ZFHX3: variants seen among roughly 807,000 people sequenced by gnomAD.
ZFHX3 encodes zinc finger homeobox 3, also known as zinc finger homeobox protein 3.
Under a neutral mutation model 279.1 loss-of-function variants are expected in ZFHX3, and 42 were observed. That is an observed-to-expected ratio of 0.15 (90% confidence interval 0.12 to 0.19). The LOEUF is 0.19. Ranked by LOEUF, ZFHX3 falls within the 10% of genes least tolerant of loss-of-function variation. ZFHX3 has a pLI of 1.00. For synonymous variants in ZFHX3, 2,293 were observed against 1,957.8 expected (o/e 1.17, Z -4.52); for missense variants, 4,981 against 4,754.0 (o/e 1.05, Z -1.40).
intron 7 of ZFHX3, among the ~76,000 whole-genome samples, chr16:73,105,195 C>T (rs1280272105): frequency 2.7e-5 from 4 of 150,628 alleles, no homozygotes; most frequent in Non-Finnish European, 4.4e-5. Flanking sequence ...GGCTTGAGGC[C>T]AAGAGCTCAA....
chr16:73,694,255 A>C (rs2142210147), intron 1 of ZFHX3, among the ~76,000 whole-genome samples: 1 of 152,284 alleles, frequency 6.6e-6, no homozygotes, highest in African/African-American at 2.4e-5. Flanking sequence ...CTGGGGAGGC[A>C]GAGGTTGCAG....
intron 1 of ZFHX3, among the ~76,000 whole-genome samples, chr16:73,801,104 C>A (rs772488348): frequency 6.6e-6 from 1 of 152,144 alleles, no homozygotes; most frequent in Non-Finnish European, 1.5e-5. Context: ...ACAAGCTGTA[C>A]CAGGTGCCTT....
At chr16:73,535,715 C>T (rs995181798) in intron 2 of ZFHX3, among the ~76,000 whole-genome samples, 1 of 137,544 alleles carries the variant, frequency 7.3e-6, no homozygotes, top group Admixed American at 8.4e-5. Context: ...TTCTATGTGC[C>T]CCCTATCTTT....
chr16:73,151,676 C>T (rs1044479602), intron 5 of ZFHX3, among the ~76,000 whole-genome samples: 10 of 152,082 alleles, frequency 6.6e-5, no homozygotes, highest in African/African-American at 2.4e-4. Context: ...GTCTGTCCTA[C>T]GTGTTGAGGT....
chr16:73,745,744 C>T (rs1393939297), intron 1 of ZFHX3, among the ~76,000 whole-genome samples: 1 of 152,134 alleles, frequency 6.6e-6, no homozygotes, highest in African/African-American at 2.4e-5. Context: ...TTATTGTCTT[C>T]CTGCCAACTC....
chr16:73,450,173 C>T (rs955899568), intron 3 of ZFHX3, among the ~76,000 whole-genome samples: 5 of 152,162 alleles, frequency 3.3e-5, no homozygotes, highest in African/African-American at 9.7e-5. Context: ...GGTGAAGGTA[C>T]CTTAAATCCA....
rs149779567 is a variant in ZFHX3, at chr16:72,796,717, C to T, written c.5965G>A (p.Gly1989Ser). 2.0e-5 allele frequency: 33 copies of T among 1,613,830 alleles called. No individual in the cohort carries two copies. The highest frequency in any genetic ancestry group is 9.9e-5 in the South Asian group (9 of 91,058). Residue 1989 changes from glycine to serine, a missense_variant, in exon 9 of 10, where the codon GGC becomes AGC. Gly to Ser is a moderately conservative substitution (Grantham distance 56). This residue lies in a region of ZFHX3 where 1,751 missense variants were observed against 1,770.0 expected (regional missense o/e 0.99). Coordinates refer to ENST00000268489, the MANE Select transcript of ZFHX3 (RefSeq NM_006885.4). ...ATCAAGATGTTGGAAAACAACTTGC[C>T]GCAGGAGTCACACTCGAGCTTTTCC... ...NLEKLECDSC[G>S]KLFSNILILK...
At chr16:73,276,590 C>A (rs2014308843) in intron 4 of ZFHX3, among the ~76,000 whole-genome samples, 1 of 152,124 alleles carries the variant, frequency 6.6e-6, no homozygotes, top group Non-Finnish European at 1.5e-5. Flanking sequence ...TTCTTTGGTT[C>A]TTTTAAAAAT....
intron 1 of ZFHX3, among the ~76,000 whole-genome samples, chr16:73,031,403 G>A (rs550879161): frequency 6.6e-6 from 1 of 152,244 alleles, no homozygotes; most frequent in East Asian, 1.9e-4. Context: ...GGGGCAGGTC[G>A]GGGAAGAAAG....
At chr16:73,016,216 C>A (rs1309681288) in intron 1 of ZFHX3, among the ~76,000 whole-genome samples, 1 of 152,206 alleles carries the variant, frequency 6.6e-6, no homozygotes, top group African/African-American at 2.4e-5. Flanking sequence ...TTTGTTGCCA[C>A]TTCCCCATTT....
chr16:73,453,314 T>C (rs2018311144), intron 3 of ZFHX3, among the ~76,000 whole-genome samples: 1 of 152,230 alleles, frequency 6.6e-6, no homozygotes, highest in Non-Finnish European at 1.5e-5. Context: ...AACTGACCTG[T>C]GACTGCTTTG....
chr16:73,716,264 A>T (rs1321018723), intron 1 of ZFHX3, among the ~76,000 whole-genome samples: 1 of 152,126 alleles, frequency 6.6e-6, no homozygotes, highest in East Asian at 1.9e-4. Flanking sequence ...GTGATATATT[A>T]TCTTTTCAAA....
chr16:73,633,130 A>G (rs996011209), intron 2 of ZFHX3, among the ~76,000 whole-genome samples: 1 of 152,232 alleles, frequency 6.6e-6, no homozygotes, highest in Non-Finnish European at 1.5e-5. Context: ...TTTAATTTCT[A>G]TGTTTCAAAC....
At chr16:73,535,525 G>A (rs1018413853) in intron 2 of ZFHX3, among the ~76,000 whole-genome samples, 4 of 152,078 alleles carry the variant, frequency 2.6e-5, no homozygotes, top group Non-Finnish European at 4.4e-5. Context: ...TATGAAGTTG[G>A]GAACTGTGGA....
intron 3 of ZFHX3, among the ~76,000 whole-genome samples, chr16:73,407,116 G>A (rs1044700305): frequency 2.0e-5 from 3 of 152,174 alleles, no homozygotes; most frequent in African/African-American, 7.2e-5. Context: ...GAGTGCTAGA[G>A]ATACTCAGTG....
chr16:73,352,218 C>G (rs1404645204), intron 3 of ZFHX3, among the ~76,000 whole-genome samples: 1 of 152,226 alleles, frequency 6.6e-6, no homozygotes, highest in East Asian at 1.9e-4. Flanking sequence ...GCATCCTTGT[C>G]CTCCTGACAC....
chr16:73,890,855 C>A (rs2030511365), intron 1 of ZFHX3, among the ~76,000 whole-genome samples: 1 of 152,252 alleles, frequency 6.6e-6, no homozygotes. Context: ...GTGTAATCAT[C>A]GCAATCAGCA....
chr16:72,993,337 G>A (rs1314406163), intron 1 of ZFHX3, among the ~76,000 whole-genome samples: 3 of 152,208 alleles, frequency 2.0e-5, no homozygotes, highest in Non-Finnish European at 4.4e-5. Flanking sequence ...TAAGAGATCC[G>A]TAGTATCATC....
chr16:73,095,443 G>C (rs959017258), intron 7 of ZFHX3, among the ~76,000 whole-genome samples: 4 of 152,120 alleles, frequency 2.6e-5, no homozygotes, highest in African/African-American at 9.7e-5. Flanking sequence ...TGGGACTGGT[G>C]TTATTCATAA....
Sources: allele counts gnomAD v4.1 joint callset (sites outside exome capture counted in the v4.1 genomes callset), GRCh38; gene constraint gnomAD v4.1.1; regional missense constraint gnomAD v4.1.1; transcripts MANE v1.5; gene names NCBI Gene and HGNC (gene_info 2026-07-23, HGNC 2026-07-21).